The following PDE4D variants were observed in gnomAD, a reference collection of about 807,000 sequenced individuals.
PDE4D encodes the protein 3',5'-cyclic-AMP phosphodiesterase 4D.
A neutral mutation model predicts 87.4 loss-of-function variants in PDE4D; 24 were observed. The observed-to-expected ratio is 0.27, with a 90% CI of 0.20 to 0.39. The LOEUF (loss-of-function observed/expected upper bound fraction) is 0.39. Among genes scored for constraint, PDE4D ranks in the 10% least tolerant of loss-of-function variants. The probability of loss-of-function intolerance (pLI) is 1.00; values close to 1 mark genes in which losing one functional copy is unlikely to be tolerated. For missense variants in PDE4D, 714 were observed against 1,041.0 expected (o/e 0.69, Z 4.32); for synonymous variants, 384 against 383.2 (o/e 1.00, Z -0.02).
At chr5:59,828,214 T>C (rs911015631) in intron 1 of PDE4D, among the ~76,000 whole-genome samples, 3 of 151,802 alleles carry the variant, frequency 2.0e-5, no homozygotes, top group African/African-American at 7.3e-5. Flanking sequence ...GAAAAAATGA[T>C]CTAGAAATAG....
chr5:59,776,591 T>G (rs1410269697), intron 1 of PDE4D, among the ~76,000 whole-genome samples: 3 of 152,170 alleles, frequency 2.0e-5, no homozygotes. Flanking sequence ...GGTAAAAAAT[T>G]TGTTCTGATA....
chr5:59,889,134 A>G (rs1306065566), intron 1 of PDE4D, among the ~76,000 whole-genome samples: 1 of 150,494 alleles, frequency 6.6e-6, no homozygotes, highest in Non-Finnish European at 1.5e-5. Flanking sequence ...AGGCCAAGGC[A>G]GGAGAATCCC....
rs527853337 is a variant in PDE4D at position 60,122,719 on chromosome 5, C to T, written c.42+62838G>A. Among the ~76,000 whole-genome samples the T allele has an allele frequency of 1.1e-3, 165 of 152,344 alleles. 1 individual carries two copies. Among genetic ancestry groups the T allele is most frequent in the African/African-American group, 3.9e-3 (163 of 41,588 alleles). On this transcript the variant is annotated intron_variant, in intron 2 of 16. Coordinates refer to the PDE4D transcript ENST00000502484. ...GATACTCTGGAGACATTTTCCTCAT[C>T]GTCTTGAAGGCTTAACATTCGGCCT...
chr5:59,855,305 G>T (rs978085946), intron 1 of PDE4D, among the ~76,000 whole-genome samples: 2 of 152,042 alleles, frequency 1.3e-5, no homozygotes, highest in African/African-American at 4.8e-5. Flanking sequence ...TTTTAACAAG[G>T]TTCCATCCTA....
chr5:59,166,115 T>C (rs951145758), intron 5 of PDE4D: 2 of 152,204 alleles, frequency 1.3e-5, no homozygotes, highest in Non-Finnish European at 2.9e-5. Context: ...GTTGGTTTTT[T>C]TGTATTGCAA....
At chr5:60,149,533 C>A (rs1018155118) in intron 2 of PDE4D, among the ~76,000 whole-genome samples, 3 of 152,140 alleles carry the variant, frequency 2.0e-5, no homozygotes, top group Non-Finnish European at 4.4e-5. Flanking sequence ...CAAACATAGA[C>A]ACTCTGCTCC....
At chr5:60,520,374 T>C (rs1750983202) in intron 1 of PDE4D, among the ~76,000 whole-genome samples, 1 of 152,234 alleles carries the variant, frequency 6.6e-6, no homozygotes, top group Non-Finnish European at 1.5e-5. Flanking sequence ...AGTCGGATTT[T>C]CCTTTGTTGA....
At chr5:59,366,293 G>A (rs1783043515) in intron 1 of PDE4D, among the ~76,000 whole-genome samples, 3 of 152,066 alleles carry the variant, frequency 2.0e-5, no homozygotes, top group Admixed American at 2.0e-4. Flanking sequence ...GGTGGACTTT[G>A]TACAGGAAAG....
chr5:59,805,939 GC>G (rs1767684819), intron 1 of PDE4D, among the ~76,000 whole-genome samples: 1 of 152,322 alleles, frequency 6.6e-6, no homozygotes, highest in Non-Finnish European at 1.5e-5. Context: ...TTGAGTCTCT[GC>G]CACTGTTTCC....
intron 1 of PDE4D, among the ~76,000 whole-genome samples, chr5:60,291,041 C>G (rs1170887570): frequency 6.6e-6 from 1 of 152,138 alleles, no homozygotes; most frequent in African/African-American, 2.4e-5. Flanking sequence ...GAGGTAGCAT[C>G]AAAAATTGTT....
chr5:59,715,103 G>A (rs191361078), intron 1 of PDE4D, among the ~76,000 whole-genome samples: 12 of 152,376 alleles, frequency 7.9e-5, no homozygotes, highest in African/African-American at 2.6e-4. Context: ...GCTCATGAGA[G>A]CATGGCAGGA....
chr5:59,745,516 A>G (rs1336204874), intron 1 of PDE4D, among the ~76,000 whole-genome samples: 1 of 152,184 alleles, frequency 6.6e-6, no homozygotes, highest in Non-Finnish European at 1.5e-5. Flanking sequence ...TGTTCTAGCC[A>G]ATTCTGGACA....
intron 1 of PDE4D, among the ~76,000 whole-genome samples, chr5:60,336,749 C>A (rs530452556): frequency 2.0e-5 from 3 of 152,176 alleles, no homozygotes; most frequent in African/African-American, 2.4e-5. Flanking sequence ...CCTTCTCTGT[C>A]TGCCAATTTC....
intron 1 of PDE4D, among the ~76,000 whole-genome samples, chr5:59,623,021 G>T (rs1192335720): frequency 6.6e-5 from 10 of 152,116 alleles, no homozygotes; most frequent in Admixed American, 6.5e-4. Flanking sequence ...ATTGTGAGAT[G>T]CATTATTAAT....
chr5:59,453,294 T>C (rs1212111203), intron 1 of PDE4D, among the ~76,000 whole-genome samples: 1 of 152,150 alleles, frequency 6.6e-6, no homozygotes, highest in Admixed American at 6.5e-5. Context: ...CACAGCAATA[T>C]TGAGATTAGG....
At chr5:60,308,827 C>T (rs531132948) in intron 1 of PDE4D, among the ~76,000 whole-genome samples, 2 of 152,238 alleles carry the variant, frequency 1.3e-5, no homozygotes, top group Admixed American at 1.3e-4. Flanking sequence ...TTTGAAAATC[C>T]TCCCTGGCTC....
chr5:60,512,409 C>A lies in PDE4D; in HGVS notation n.70+9642G>T, dbSNP rs547658883. Among the ~76,000 whole-genome samples, 3 of 152,200 alleles carry A rather than the reference C, an allele frequency of 2.0e-5. No homozygotes were observed. In the South Asian group the frequency reaches 6.2e-4, roughly 32 times the overall value. ...AACAAAGGTCTCTATTTTGAATCAT[C>A]AAATACTTGATTCCTTTGATCATCT... is the stretch of plus-strand genomic sequence containing the variant. On this transcript the variant is annotated intron_variant and non_coding_transcript_variant, in intron 1 of 2. Transcript: ENST00000506510.
At chr5:60,029,700 T>A (rs921077452) in intron 2 of PDE4D, among the ~76,000 whole-genome samples, 1 of 151,546 alleles carries the variant, frequency 6.6e-6, no homozygotes, top group African/African-American at 2.4e-5. Context: ...TCTTTCATCA[T>A]CTACCACCCG....
chr5:59,338,216 AG>A (rs1215572374), intron 1 of PDE4D, among the ~76,000 whole-genome samples: 1 of 152,194 alleles, frequency 6.6e-6, no homozygotes, highest in African/African-American at 2.4e-5. Context: ...CAATCAACTG[AG>A]GTAATAAGGA....
Sources: allele counts gnomAD v4.1 joint callset (sites outside exome capture counted in the v4.1 genomes callset), GRCh38; gene constraint gnomAD v4.1.1; transcripts MANE v1.5; gene names NCBI Gene and HGNC (gene_info 2026-07-23, HGNC 2026-07-21).